The following ILDR1 variants were observed in gnomAD, a reference collection of about 807,000 sequenced individuals.
ILDR1 encodes immunoglobulin like domain containing receptor 1, also known as immunoglobulin-like domain-containing receptor 1.
In ILDR1, 56 loss-of-function variants were observed where a neutral mutation model predicts 62.4. The observed-to-expected ratio is 0.90, with a 90% CI of 0.72 to 1.12. The LOEUF is 1.12. Among genes scored for constraint, ILDR1 ranks in the 50% most tolerant of loss-of-function variants. The pLI is 0.00. For synonymous variants in ILDR1, 284 were observed against 277.8 expected (o/e 1.02, Z -0.22); for missense variants, 736 against 710.6 (o/e 1.04, Z -0.41).
rs1315615612 is a variant in ILDR1, at chr3:122,001,296, G to C, written c.646+12C>G. The stretch of plus-strand genomic sequence containing the variant: ...ATCCACTCCATTCCACTGCTTGTCT[G>C]TCCCCTCTCACCTTCCTCAGGACAG... On this transcript the variant is annotated intron_variant, in intron 5 of 7. Transcript: ENST00000344209. 6.2e-7 allele frequency: 1 copy of C among 1,614,048 alleles called. No individual in the cohort carries two copies. The highest frequency in any genetic ancestry group is 8.5e-7 in the Non-Finnish European group (1 of 1,179,980).
intron 1 of ILDR1, among the ~76,000 whole-genome samples, chr3:122,008,528 T>C (rs551998786): frequency 6.6e-6 from 1 of 152,262 alleles, no homozygotes; most frequent in Admixed American, 6.5e-5. Context: ...TCTAGTTCCG[T>C]AGGACTTGGG....
the ILDR1 span, among the ~76,000 whole-genome samples, chr3:122,035,434 G>T: frequency 1.3e-5 from 2 of 152,018 alleles, no homozygotes; most frequent in African/African-American, 4.8e-5. Flanking sequence ...AAATCTGTAT[G>T]CCTTTTCCCC....
At chr3:121,992,587 C>T (rs761732826) in intron 7 of ILDR1, among the ~76,000 whole-genome samples, 1 of 152,164 alleles carries the variant, frequency 6.6e-6, no homozygotes, top group African/African-American at 2.4e-5. Flanking sequence ...ATGTTTTGGC[C>T]CATATATGGA....
intron 1 of ILDR1, among the ~76,000 whole-genome samples, chr3:122,008,350 G>C (rs2107666890): frequency 6.6e-6 from 1 of 152,274 alleles, no homozygotes; most frequent in Middle Eastern, 3.4e-3. Flanking sequence ...CAGGGGTCCA[G>C]ACATAACCAG....
upstream of ILDR1, among the ~76,000 whole-genome samples, chr3:122,026,935 G>A (rs184248437): frequency 1.3e-5 from 2 of 152,086 alleles, no homozygotes; most frequent in African/African-American, 4.8e-5. Context: ...TTATATATAA[G>A]GACTAACAAG....
chr3:122,056,594 A>G, the ILDR1 span, among the ~76,000 whole-genome samples: 4 of 152,172 alleles, frequency 2.6e-5, no homozygotes, highest in Admixed American at 1.3e-4. Context: ...GGCCTCCCAA[A>G]GTGCTGGGAT....
Position 122,016,114 on chromosome 3 carries a change from C to T in ILDR1, c.58+5906G>A, listed in dbSNP as rs996228342. ...TCCTGTGGCTTCCTTCACTCAGTCCCGCTAACATTCTTCTCATCTCTCATA... is the reference window on the plus strand; with the variant it reads ...TCCTGTGGCTTCCTTCACTCAGTCCTGCTAACATTCTTCTCATCTCTCATA... On this transcript the variant is annotated intron_variant, in intron 1 of 7. Coordinates refer to ENST00000344209, the MANE Select transcript of ILDR1 (RefSeq NM_001199799.2). Among the ~76,000 whole-genome samples the T allele has an allele frequency of 4.6e-5, 7 of 152,192 alleles. No individual in the cohort carries two copies. The East Asian group carries it at 5.8e-4, about 13-fold the overall frequency.
At chr3:122,038,053 A>G in the ILDR1 span, among the ~76,000 whole-genome samples, 1 of 152,060 alleles carries the variant, frequency 6.6e-6, no homozygotes, top group Non-Finnish European at 1.5e-5. Flanking sequence ...CCTGCCAGCC[A>G]TGCTTTTATA....
the ILDR1 span, among the ~76,000 whole-genome samples, chr3:122,057,449 A>C: frequency 1.3e-5 from 2 of 152,212 alleles, no homozygotes; most frequent in East Asian, 3.8e-4. Context: ...TAATGTGTTT[A>C]GTTAAAGGGG....
intron 1 of ILDR1, among the ~76,000 whole-genome samples, chr3:122,014,841 C>CG (rs2071755796): frequency 6.6e-6 from 1 of 152,042 alleles, no homozygotes; most frequent in East Asian, 1.9e-4. Context: ...TTTTGGTTAC[C>CG]GGGGGAGAGG....
At chr3:122,053,081 T>A in the ILDR1 span, among the ~76,000 whole-genome samples, 1 of 152,190 alleles carries the variant, frequency 6.6e-6, no homozygotes, top group Non-Finnish European at 1.5e-5. Flanking sequence ...TCTGGATTTC[T>A]CACAAAAGGA....
At chr3:122,006,647 G>A (rs769722897) in intron 2 of ILDR1, among the ~76,000 whole-genome samples, 2 of 152,110 alleles carry the variant, frequency 1.3e-5, no homozygotes, top group African/African-American at 4.8e-5. Context: ...AGGTGGTGGG[G>A]GTGAGGGGAG....
the ILDR1 span, among the ~76,000 whole-genome samples, chr3:122,056,496 G>A: frequency 2.6e-5 from 4 of 152,020 alleles, no homozygotes; most frequent in Non-Finnish European, 5.9e-5. Flanking sequence ...CACCACGCCC[G>A]GCTAATTTTT....
the ILDR1 span, among the ~76,000 whole-genome samples, chr3:122,027,251 G>A: frequency 2.0e-5 from 3 of 152,092 alleles, no homozygotes; most frequent in African/African-American, 7.2e-5. Flanking sequence ...CTGCAGTGGC[G>A]CAGTCTCAGC....
the ILDR1 span, among the ~76,000 whole-genome samples, chr3:122,037,238 C>A: frequency 6.6e-6 from 1 of 152,122 alleles, no homozygotes; most frequent in Admixed American, 6.5e-5. Context: ...ATTCCCAGAC[C>A]CCAGAATGGT....
chr3:121,994,443 G>T lies in ILDR1; in HGVS notation c.647-130C>A, dbSNP rs913982754. 7 of 1,103,056 alleles carry T rather than the reference G, an allele frequency of 6.3e-6. No individual in the cohort carries two copies. The African/African-American group carries it at 9.5e-5, about 15-fold the overall frequency. The allele number at this position is 1,103,056 out of a possible 1,614,324, so 68.3% of individuals were successfully genotyped here. Reference sequence around the variant, plus strand: ...TGTCCATTCTCACCTATTTTGCATGGGAGTAAGGGTTAAGGGGGTAGTAAA... The same window carrying T: ...TGTCCATTCTCACCTATTTTGCATGTGAGTAAGGGTTAAGGGGGTAGTAAA... On this transcript the variant is annotated intron_variant, in intron 5 of 7. Coordinates refer to ENST00000344209, the MANE Select transcript of ILDR1 (RefSeq NM_001199799.2).
intron 5 of ILDR1, among the ~76,000 whole-genome samples, chr3:121,996,389 A>G (rs996043798): frequency 1.3e-5 from 2 of 151,924 alleles, no homozygotes; most frequent in African/African-American, 2.4e-5. Flanking sequence ...CTGCCACACC[A>G]TTTTTCCAGG....
At chr3:121,989,780 T>C (rs1382283045) in intron 7 of ILDR1, among the ~76,000 whole-genome samples, 2 of 152,200 alleles carry the variant, frequency 1.3e-5, no homozygotes, top group Non-Finnish European at 2.9e-5. Flanking sequence ...CATTTTCTCA[T>C]GGGCACTGTG....
At chr3:122,013,866 G>A (rs922270293) in intron 1 of ILDR1, among the ~76,000 whole-genome samples, 4 of 152,110 alleles carry the variant, frequency 2.6e-5, no homozygotes, top group Admixed American at 6.5e-5. Flanking sequence ...TATGTGCTGA[G>A]CACTTACTAT....
Sources: allele counts gnomAD v4.1 joint callset (sites outside exome capture counted in the v4.1 genomes callset), GRCh38; gene constraint gnomAD v4.1.1; transcripts MANE v1.5; gene names NCBI Gene and HGNC (gene_info 2026-07-23, HGNC 2026-07-21).